Variants in PRIMA1 observed in about 807,000 individuals in gnomAD.
PRIMA1 encodes proline rich membrane anchor 1, also known as proline-rich membrane anchor 1.
Under a neutral mutation model 17.5 loss-of-function variants are expected in PRIMA1, and 7 were observed. The ratio of observed to expected loss-of-function variants is 0.40; its 90% CI spans 0.23 to 0.75. The LOEUF (loss-of-function observed/expected upper bound fraction) is 0.75. PRIMA1 is among the 30% of genes least tolerant of loss of function. PRIMA1 has a pLI of 0.37. For synonymous variants in PRIMA1, 97 were observed against 77.9 expected, an observed-to-expected ratio of 1.25 and a Z score of -1.29; for missense variants, 200 against 201.8, an observed-to-expected ratio of 0.99 and a Z score of 0.05.
Position 93,721,348 on chromosome 14 carries a change from G to T in PRIMA1, c.*96C>A. ...AGGGCCTGTGAGGCAATGAAGTCCTGGACAAGCTCAGGGTTAGCTCATGTC... is the reference window on the plus strand; with the variant it reads ...AGGGCCTGTGAGGCAATGAAGTCCTTGACAAGCTCAGGGTTAGCTCATGTC... On this transcript the variant is annotated 3_prime_UTR_variant, in exon 5 of 5. Coordinates refer to ENST00000393140, the MANE Select transcript of PRIMA1 (RefSeq NM_178013.4). The T allele has an allele frequency of 1.3e-6, 1 of 758,804 alleles. No individual in the cohort carries two copies. The highest frequency in any genetic ancestry group is 2.2e-6 in the Non-Finnish European group (1 of 446,638). 47.0% of individuals were successfully genotyped at this position (758,804 alleles called of 1,614,324 possible).
intron 3 of PRIMA1, among the ~76,000 whole-genome samples, chr14:93,753,904 C>T (rs942699397): frequency 2.0e-5 from 3 of 152,162 alleles, no homozygotes; most frequent in Non-Finnish European, 4.4e-5. Context: ...ATAACAGATG[C>T]TATGATGGCG....
intron 1 of PRIMA1, 128 bp from the exon 2 acceptor site, chr14:93,787,877 G>T: frequency 9.4e-7 from 1 of 1,064,248 alleles, no homozygotes; most frequent in Non-Finnish European, 1.3e-6. Context: ...AGTAAACCAA[G>T]CCTGCACTTA....
chr14:93,731,195 G>A (rs1355566965), intron 4 of PRIMA1, among the ~76,000 whole-genome samples: 1 of 152,220 alleles, frequency 6.6e-6, no homozygotes, highest in African/African-American at 2.4e-5. Context: ...CCCATTCTAG[G>A]TGGAGAATGA....
intron 3 of PRIMA1, among the ~76,000 whole-genome samples, chr14:93,769,722 A>G (rs985799373): frequency 6.6e-6 from 1 of 152,162 alleles, no homozygotes; most frequent in Non-Finnish European, 1.5e-5. Flanking sequence ...CTCTTTTGTT[A>G]GTCGGAAACT....
intron 4 of PRIMA1, among the ~76,000 whole-genome samples, chr14:93,736,466 C>G (rs2076150800): frequency 6.6e-6 from 1 of 152,214 alleles, no homozygotes; most frequent in East Asian, 1.9e-4. Flanking sequence ...TGGAGACTGC[C>G]CTGCAGCATG....
intron 3 of PRIMA1, among the ~76,000 whole-genome samples, chr14:93,768,909 G>A (rs945564397): frequency 1.3e-5 from 2 of 150,844 alleles, no homozygotes; most frequent in Admixed American, 6.6e-5. Context: ...GGGTTCAAGC[G>A]ATTCTCCTGC....
At chr14:93,781,927 C>T (rs1885387016) in intron 2 of PRIMA1, among the ~76,000 whole-genome samples, 1 of 152,078 alleles carries the variant, frequency 6.6e-6, no homozygotes, top group Non-Finnish European at 1.5e-5. Context: ...GAGCCAAGAT[C>T]ATGCCACTGC....
chr14:93,751,303 G>C (rs78102940), intron 3 of PRIMA1, among the ~76,000 whole-genome samples: 3,953 of 152,308 alleles, frequency 0.026, 170 homozygotes, highest in African/African-American at 0.09. Flanking sequence ...AGCCTGGCTG[G>C]GGACAACTAT....
intron 4 of PRIMA1, among the ~76,000 whole-genome samples, chr14:93,728,439 C>T (rs2076093422): frequency 6.6e-6 from 1 of 152,104 alleles, no homozygotes; most frequent in Non-Finnish European, 1.5e-5. Flanking sequence ...GAGGCCTGTG[C>T]AGCTGGAGAG....
chr14:93,777,591 C>T (rs1885256116), intron 3 of PRIMA1, among the ~76,000 whole-genome samples: 1 of 152,232 alleles, frequency 6.6e-6, no homozygotes, highest in Admixed American at 6.5e-5. Context: ...CCACCTCAGC[C>T]TCCCAAAGTG....
intron 3 of PRIMA1, among the ~76,000 whole-genome samples, chr14:93,777,122 G>A (rs1249031134): frequency 3.3e-5 from 5 of 152,142 alleles, no homozygotes. Context: ...ATCATTGTTT[G>A]GTAAACAATG....
At chr14:93,757,230 AGAAG>A (rs777860436) in intron 3 of PRIMA1, among the ~76,000 whole-genome samples, 5 of 140,870 alleles carry the variant, frequency 3.5e-5, no homozygotes, top group Non-Finnish European at 7.7e-5. Context: ...AAGGAAGGAA[AGAAG>A]GAAGGAAGGA....
In PRIMA1 at chr14:93,721,467, C is replaced by T. The variant is rs2076037468; in HGVS notation, c.439G>A (p.Asp147Asn). The T allele has an allele frequency of 1.2e-6, 2 of 1,613,610 alleles. No individual in the cohort carries two copies. The highest frequency in any genetic ancestry group is 1.7e-6 in the Non-Finnish European group (2 of 1,179,584). Residue 147 changes from aspartate to asparagine, a missense_variant, in exon 5 of 5, where the codon GAC becomes AAC. Physicochemically the swap from Asp to Asn is conservative, Grantham distance 23. Coordinates refer to ENST00000393140, the MANE Select transcript of PRIMA1 (RefSeq NM_178013.4). ...MSASQSNKGV[D>N]VNNAVV ...ACTCACACCACTGCGTTGTTCACGT[C>T]TACTCCTTTGTTGCTCTGCGAAGCA...
chr14:93,777,978 A>G (rs1446802184), intron 3 of PRIMA1, among the ~76,000 whole-genome samples: 7 of 152,210 alleles, frequency 4.6e-5, no homozygotes, highest in Non-Finnish European at 1.0e-4. Flanking sequence ...GAGAGGAGTG[A>G]TCTCCAAGAG....
At chr14:93,781,334 C>T (rs927081403) in intron 2 of PRIMA1, among the ~76,000 whole-genome samples, 20 of 152,350 alleles carry the variant, frequency 1.3e-4, no homozygotes, top group African/African-American at 4.3e-4. Flanking sequence ...GACATCCCAT[C>T]GTTGGGCCTG....
At chr14:93,738,172 C>T (rs1051814335) in intron 3 of PRIMA1, among the ~76,000 whole-genome samples, 6 of 152,122 alleles carry the variant, frequency 3.9e-5, no homozygotes, top group African/African-American at 1.4e-4. Flanking sequence ...GCTCCAGGGC[C>T]CTCTCTTAGT....
chr14:93,771,423 C>T (rs570034351), intron 3 of PRIMA1, among the ~76,000 whole-genome samples: 28 of 152,272 alleles, frequency 1.8e-4, no homozygotes, highest in African/African-American at 4.1e-4. Flanking sequence ...GTTCACAAGG[C>T]GGCATCACAT....
At position 93,759,130 on chromosome 14, in the gene PRIMA1, C is replaced by T. The variant is rs374584509; in HGVS notation, c.229+20046G>A. 3.9e-5 allele frequency among the ~76,000 whole-genome samples: 6 copies of T among 152,242 alleles called. No homozygotes were observed. The East Asian group carries it at 5.8e-4, about 15-fold the overall frequency. On this transcript the variant is annotated intron_variant, in intron 3 of 4. Transcript: ENST00000393140. ...CCAAAAATGGAAAGAATCAACTCTC[C>T]GCAGGGCACGAGGTTAGGACTTGAA... is the stretch of plus-strand genomic sequence containing the variant.
chr14:93,738,048 G>C (rs573402693), intron 3 of PRIMA1, among the ~76,000 whole-genome samples: 1 of 152,328 alleles, frequency 6.6e-6, no homozygotes, highest in African/African-American at 2.4e-5. Context: ...GCAAGACGCA[G>C]ACTTTCTCCC....
Sources: gnomAD v4.1 joint callset for allele counts (sites outside exome capture counted in the v4.1 genomes callset) on GRCh38, gnomAD v4.1.1 for gene constraint, MANE v1.5 for transcripts, NCBI Gene and HGNC (gene_info 2026-07-23, HGNC 2026-07-21) for gene names.